PCDHA11: variants seen among roughly 807,000 people sequenced by gnomAD.
The protein encoded by PCDHA11 is protocadherin alpha 11.
PCDHA11 carries 61 observed loss-of-function variants against 70.3 expected under a neutral mutation model. The observed-to-expected ratio is 0.87, with a 90% confidence interval of 0.71 to 1.07. The LOEUF (loss-of-function observed/expected upper bound fraction) is 1.07, where lower values mean the gene tolerates loss of function less well. Among genes scored for constraint, PCDHA11 ranks in the 50% least tolerant of loss-of-function variants. The pLI is 0.00. For synonymous variants in PCDHA11, 633 were observed against 555.1 expected, an observed-to-expected ratio of 1.14 and a Z score of -1.97; for missense variants, 1,324 against 1,237.5, an observed-to-expected ratio of 1.07 and a Z score of -1.05.
At chr5:140,968,086 A>G (rs2096217656) in intron 1 of PCDHA11, 1 of 1,614,058 alleles carries the variant, frequency 6.2e-7, no homozygotes, top group African/African-American at 1.3e-5. Context: ...TCACGGTGAC[A>G]GCCACAGATG....
intron 3 of PCDHA11, among the ~76,000 whole-genome samples, chr5:140,996,953 TCCCTCAATC>T (rs1554255576): frequency 6.6e-6 from 1 of 152,202 alleles, no homozygotes; most frequent in Non-Finnish European, 1.5e-5. Flanking sequence ...AATATTTATT[TCCCTCAATC>T]CCACTCCCCT....
At chr5:140,964,227 G>A (rs1245581815) in intron 1 of PCDHA11, among the ~76,000 whole-genome samples, 1 of 152,222 alleles carries the variant, frequency 6.6e-6, no homozygotes, top group African/African-American at 2.4e-5. Context: ...CTTTCAAAAT[G>A]AGGCTGATTG....
At chr5:140,875,278 T>A in intron 1 of PCDHA11, 1 of 1,326,774 alleles carries the variant, frequency 7.5e-7, no homozygotes, top group Non-Finnish European at 9.9e-7. Context: ...ACTCAGAAGG[T>A]GAAACAGGAA....
chr5:140,890,726 T>C (rs2062772984), intron 1 of PCDHA11, among the ~76,000 whole-genome samples: 1 of 152,214 alleles, frequency 6.6e-6, no homozygotes. Context: ...TTTAATCCCT[T>C]TTGACTTATA....
intron 1 of PCDHA11, among the ~76,000 whole-genome samples, chr5:140,897,966 T>C (rs1339473229): frequency 5.3e-5 from 8 of 152,276 alleles, no homozygotes; most frequent in African/African-American, 1.9e-4. Flanking sequence ...TTCATGTGTC[T>C]TTTGGCTGCA....
At chr5:140,877,526 G>T (rs1554169807) in intron 1 of PCDHA11, 2 of 1,613,676 alleles carry the variant, frequency 1.2e-6, no homozygotes, top group African/African-American at 2.7e-5. Context: ...GCCTCAGTGG[G>T]CGCTGTGGAT....
At chr5:140,910,213 G>C (rs1375224674) in intron 1 of PCDHA11, among the ~76,000 whole-genome samples, 1 of 152,170 alleles carries the variant, frequency 6.6e-6, no homozygotes, top group African/African-American at 2.4e-5. Flanking sequence ...TGACCTGGAA[G>C]TTTTCTGCTT....
intron 1 of PCDHA11, among the ~76,000 whole-genome samples, chr5:140,943,783 C>A (rs1388163068): frequency 1.3e-5 from 2 of 152,102 alleles, no homozygotes; most frequent in Non-Finnish European, 2.9e-5. Context: ...AGGAAGTGGT[C>A]CTTTATGCAA....
intron 1 of PCDHA11, chr5:140,883,145 T>C (rs2059462627): frequency 6.2e-7 from 1 of 1,613,988 alleles, no homozygotes; most frequent in Admixed American, 1.7e-5. Context: ...GGTATATGCA[T>C]TTACCATAAA....
At position 140,928,683 on chromosome 5, in the gene PCDHA11, C is replaced by T. The variant is rs868920923; in HGVS notation, c.2392-50266C>T. ...ACAGTGGTTCTAATGCCTGGCTTTC[C>T]TACCACATCTCCCGGGCGTCTGACT... On this transcript the variant is annotated intron_variant, in intron 1 of 3. Transcript: ENST00000398640. 3.7e-6 allele frequency: 6 copies of T among 1,614,172 alleles called. No individual in the cohort carries two copies. In the Middle Eastern group the frequency reaches 6.6e-4, roughly 178 times the overall value.
At position 140,871,425 on chromosome 5, in the gene PCDHA11, T is replaced by A. The variant is rs782021225; in HGVS notation, c.2322T>A (p.Ser774Arg). 4.3e-6 allele frequency: 7 copies of A among 1,613,404 alleles called. No homozygotes were observed. Among genetic ancestry groups the A allele is most frequent in the Admixed American group, 3.3e-5 (2 of 59,856 alleles). The change falls in exon 1 of 4, where the codon AGT (serine) becomes AGA (arginine). Residue 774 changes from serine to arginine, a missense_variant. Coordinates refer to ENST00000398640, the MANE Select transcript of PCDHA11 (RefSeq NM_018902.5). ...PKTDLMAFSP[S>R]LPLGLNKEEE... ...CGGACCTCATGGCCTTCAGCCCCAG[T>A]CTTCCTCTAGGTCTGAATAAAGAGG...
At chr5:141,003,423 T>G (rs1278383006) in intron 3 of PCDHA11, among the ~76,000 whole-genome samples, 1 of 152,164 alleles carries the variant, frequency 6.6e-6, no homozygotes, top group Non-Finnish European at 1.5e-5. Context: ...GTGATTCTTA[T>G]GCCTCAGCCT....
At chr5:140,990,134 CAA>C (rs2097375582) in intron 3 of PCDHA11, among the ~76,000 whole-genome samples, 2 of 151,958 alleles carry the variant, frequency 1.3e-5, no homozygotes, top group Non-Finnish European at 2.9e-5. Flanking sequence ...AAGTCAGACT[CAA>C]GAGGCATAAT....
rs2096607447 is a variant in PCDHA11, at chr5:140,973,909, C to T, written c.2392-5040C>T. 2.0e-5 allele frequency among the ~76,000 whole-genome samples: 3 copies of T among 152,194 alleles called. 1 individual carries two copies. The highest frequency in any genetic ancestry group is 2.0e-4 in the Admixed American group (3 of 15,280). On this transcript the variant is annotated intron_variant, in intron 1 of 3. Coordinates refer to ENST00000398640, the MANE Select transcript of PCDHA11 (RefSeq NM_018902.5). ...ATTTGCAAATGTTTGAGGAAACATT[C>T]CTGTCACCAAACCCAGAGGTTTAGC...
chr5:140,978,994 G>A lies in PCDHA11; in HGVS notation c.2437G>A (p.Ala813Thr). The A allele has an allele frequency of 6.2e-7, 1 of 1,614,152 alleles. No homozygotes were observed. The highest frequency in any genetic ancestry group is 8.5e-7 in the Non-Finnish European group (1 of 1,180,022). The change falls in exon 2 of 4, where the codon GCA (alanine) becomes ACA (threonine). Residue 813 changes from alanine to threonine, a missense_variant. Coordinates refer to ENST00000398640, the MANE Select transcript of PCDHA11 (RefSeq NM_018902.5). ...CTGGCGTTACTCTGCCTCCCTGAGA[G>A]CAGGCATGCACAGGTATGTATTTCC... ...PDWRYSASLR[A>T]GMHSSVHLEE... is the part of the protein sequence containing the mutation.
At chr5:140,925,434 G>C (rs1165185781) in intron 1 of PCDHA11, among the ~76,000 whole-genome samples, 1 of 152,088 alleles carries the variant, frequency 6.6e-6, no homozygotes, top group African/African-American at 2.4e-5. Flanking sequence ...TAGGGTGTTA[G>C]GCAGAATTTG....
At chr5:140,960,763 C>A (rs1424215578) in intron 1 of PCDHA11, among the ~76,000 whole-genome samples, 1 of 151,896 alleles carries the variant, frequency 6.6e-6, no homozygotes, top group Non-Finnish European at 1.5e-5. Flanking sequence ...CCAAGAGTTA[C>A]AGAGGAGAAA....
chr5:140,986,236 T>C (rs1213371307), intron 3 of PCDHA11, among the ~76,000 whole-genome samples: 1 of 152,170 alleles, frequency 6.6e-6, no homozygotes. Flanking sequence ...CCCCTCTGTG[T>C]GAGCAGACCC....
At chr5:140,901,297 T>C (rs1224181769) in intron 1 of PCDHA11, among the ~76,000 whole-genome samples, 1 of 152,234 alleles carries the variant, frequency 6.6e-6, no homozygotes, top group Non-Finnish European at 1.5e-5. Context: ...CAGACTGATG[T>C]TCCGGAGAGT....
Sources: allele counts gnomAD v4.1 joint callset (sites outside exome capture counted in the v4.1 genomes callset), GRCh38; gene constraint gnomAD v4.1.1; transcripts MANE v1.5; gene names NCBI Gene and HGNC (gene_info 2026-07-23, HGNC 2026-07-21).